LYPLAL1: variants seen among roughly 807,000 people sequenced by gnomAD.
LYPLAL1 encodes the protein lysophospholipase like 1, also known as lysophospholipase-like protein 1.
LYPLAL1 carries 23 observed loss-of-function variants against 19.7 expected under a neutral mutation model. The ratio of observed to expected loss-of-function variants is 1.17; its 90% CI spans 0.84 to 1.65. The LOEUF is 1.65. LYPLAL1 is among the 40% of genes most tolerant of loss of function. The pLI is 0.00. For synonymous variants in LYPLAL1, 119 were observed against 96.3 expected, an observed-to-expected ratio of 1.24 and a Z score of -1.38; for missense variants, 355 against 279.4, an observed-to-expected ratio of 1.27 and a Z score of -1.93.
At chr1:219,247,102 T>C in the LYPLAL1 span, among the ~76,000 whole-genome samples, 1 of 152,224 alleles carries the variant, frequency 6.6e-6, no homozygotes, top group Non-Finnish European at 1.5e-5. Flanking sequence ...ATGTGCCTAA[T>C]ATCACATCTG....
chr1:219,400,999 G>C, the LYPLAL1 span, among the ~76,000 whole-genome samples: 1 of 152,002 alleles, frequency 6.6e-6, no homozygotes, highest in East Asian at 1.9e-4. Context: ...TATCTCAGTT[G>C]TATATTTTAC....
chr1:219,274,730 A>T, the LYPLAL1 span, among the ~76,000 whole-genome samples: 2 of 152,156 alleles, frequency 1.3e-5, no homozygotes, highest in African/African-American at 4.8e-5. Flanking sequence ...AGCATATTTC[A>T]GGAAGTAGGT....
the LYPLAL1 span, among the ~76,000 whole-genome samples, chr1:219,330,646 G>A: frequency 6.4e-3 from 978 of 152,194 alleles, 10 homozygotes; most frequent in African/African-American, 0.023. Context: ...CTATAAACAC[G>A]TACTTCTAAA....
the LYPLAL1 span, among the ~76,000 whole-genome samples, chr1:219,318,957 A>T: frequency 6.6e-6 from 1 of 152,202 alleles, no homozygotes; most frequent in Non-Finnish European, 1.5e-5. Flanking sequence ...GCTTTGGATC[A>T]CTGACCCCTT....
At chr1:219,268,086 G>C in the LYPLAL1 span, among the ~76,000 whole-genome samples, 4 of 152,114 alleles carry the variant, frequency 2.6e-5, no homozygotes, top group Non-Finnish European at 5.9e-5. Context: ...ATTGTTATAG[G>C]TATGGCAGTG....
At chr1:219,178,166 T>A (rs1655976236) in intron 1 of LYPLAL1, among the ~76,000 whole-genome samples, 1 of 152,232 alleles carries the variant, frequency 6.6e-6, no homozygotes, top group Admixed American at 6.5e-5. Flanking sequence ...TTGCAGAGTT[T>A]ATAGGCTAGT....
chr1:219,409,732 G>C, the LYPLAL1 span: 1 of 152,202 alleles, frequency 6.6e-6, no homozygotes, highest in African/African-American at 2.4e-5. Context: ...GTTGTCATTT[G>C]TTTCCAGCCA....
chr1:219,230,390 C>T, the LYPLAL1 span, among the ~76,000 whole-genome samples: 1 of 152,118 alleles, frequency 6.6e-6, no homozygotes, highest in Admixed American at 6.5e-5. Flanking sequence ...GGATTACAGG[C>T]GTGAGCCACC....
At chr1:219,236,475 T>C in the LYPLAL1 span, among the ~76,000 whole-genome samples, 2 of 152,248 alleles carry the variant, frequency 1.3e-5, no homozygotes, top group Non-Finnish European at 2.9e-5. Flanking sequence ...CATATATTCG[T>C]TTTTACTTTC....
rs568625763 is a variant in LYPLAL1 at position 219,187,300 on chromosome 1, C to T, written c.192-5782C>T. Among the ~76,000 whole-genome samples, 20 of 151,698 alleles carry T rather than the reference C, an allele frequency of 1.3e-4. No individual in the cohort carries two copies. The South Asian group carries it at 4.1e-3, about 31-fold the overall frequency. ...TTGATTATAAGGTATCCCTTTTCCT[C>T]AACTGTATTTAATAGATGTTTTAAA... On this transcript the variant is annotated intron_variant, in intron 2 of 4. Transcript: ENST00000366928.
chr1:219,375,025 G>A, the LYPLAL1 span, among the ~76,000 whole-genome samples: 1 of 152,178 alleles, frequency 6.6e-6, no homozygotes, highest in East Asian at 1.9e-4. Flanking sequence ...GTATTTACTT[G>A]CTGTGCGCAT....
At chr1:219,318,186 C>T in the LYPLAL1 span, among the ~76,000 whole-genome samples, 66 of 152,286 alleles carry the variant, frequency 4.3e-4, no homozygotes, top group African/African-American at 1.5e-3. Flanking sequence ...AGATTCTCCC[C>T]TTGGGCCAAT....
At chr1:219,333,071 T>A in the LYPLAL1 span, among the ~76,000 whole-genome samples, 1 of 152,170 alleles carries the variant, frequency 6.6e-6, no homozygotes, top group East Asian at 1.9e-4. Flanking sequence ...ATGTCCCTCT[T>A]ACACTTCAAG....
intron 2 of LYPLAL1, 79 bp from the exon 3 acceptor site, chr1:219,193,000 CTAT>C: frequency 7.6e-7 from 1 of 1,317,114 alleles, no homozygotes; most frequent in African/African-American, 1.5e-5. Context: ...ATTCAAAACA[CTAT>C]TATTTTGGTA....
the LYPLAL1 span, among the ~76,000 whole-genome samples, chr1:219,241,099 TCTCTCTCTCTCTCTCTCTCTCTC>T: frequency 1.8e-5 from 1 of 56,078 alleles, no homozygotes; most frequent in African/African-American, 7.0e-5. Flanking sequence ...ATATATATAA[TCTCTCTCTCTCTCTCTCTCTCTC>T]TCTCTCTCTC....
the LYPLAL1 span, among the ~76,000 whole-genome samples, chr1:219,255,485 T>C: frequency 5.9e-5 from 9 of 151,966 alleles, no homozygotes; most frequent in Non-Finnish European, 1.3e-4. Flanking sequence ...ACTTATTAAT[T>C]CTAGTAGTTT....
chr1:219,238,018 G>T, the LYPLAL1 span, among the ~76,000 whole-genome samples: 4 of 151,874 alleles, frequency 2.6e-5, no homozygotes, highest in Non-Finnish European at 4.4e-5. Context: ...TGCAATTATT[G>T]CATGGCTTTT....
At chr1:219,437,285 A>G in the LYPLAL1 span, 1 of 152,280 alleles carries the variant, frequency 6.6e-6, no homozygotes, top group Non-Finnish European at 1.5e-5. Flanking sequence ...CCCTTCTCAC[A>G]CCATCTTTCC....
the LYPLAL1 span, among the ~76,000 whole-genome samples, chr1:219,370,732 TAGCTATATGG>T: frequency 2.0e-5 from 3 of 152,202 alleles, no homozygotes; most frequent in African/African-American, 7.2e-5. Flanking sequence ...AGGAATGCCA[TAGCTATATGG>T]AGTTCAGAAA....
Sources: allele counts gnomAD v4.1 joint callset (sites outside exome capture counted in the v4.1 genomes callset), GRCh38; gene constraint gnomAD v4.1.1; transcripts MANE v1.5; gene names NCBI Gene and HGNC (gene_info 2026-07-23, HGNC 2026-07-21).